Variants in PLA1A observed in about 807,000 individuals in gnomAD.
PLA1A encodes the protein phospholipase A1 member A, also known as phosphatidylserine-specific phospholipase A1alpha.
In PLA1A, 47 loss-of-function variants were observed where a neutral mutation model predicts 49.4. The ratio of observed to expected loss-of-function variants is 0.95; its 90% CI spans 0.75 to 1.21. The LOEUF (loss-of-function observed/expected upper bound fraction) is 1.21. Among genes scored for constraint, PLA1A ranks in the 50% most tolerant of loss-of-function variants. The pLI, the probability that PLA1A is intolerant of heterozygous loss-of-function variation, is 0.00. For missense variants in PLA1A, 561 were observed against 563.9 expected (o/e 0.99, Z 0.05); for synonymous variants, 224 against 207.9 (o/e 1.08, Z -0.67).
intron 8 of PLA1A, 140 bp from the exon 9 acceptor site, chr3:119,624,984 G>T (rs1303928142): frequency 8.3e-6 from 5 of 600,894 alleles, no homozygotes; most frequent in African/African-American, 3.7e-5. Context: ...GAGGACCTGA[G>T]ATTATAGGTG....
intron 4 of PLA1A, among the ~76,000 whole-genome samples, chr3:119,612,562 T>C (rs986651002): frequency 2.0e-5 from 3 of 152,036 alleles, no homozygotes; most frequent in African/African-American, 7.2e-5. Flanking sequence ...GATCTTGGCT[T>C]ACTGCAACCT....
At chr3:119,603,923 G>A (rs1156972858) in intron 1 of PLA1A, among the ~76,000 whole-genome samples, 1 of 152,206 alleles carries the variant, frequency 6.6e-6, no homozygotes, top group Non-Finnish European at 1.5e-5. Context: ...ACTATGAGTT[G>A]GGGTGTGGTG....
chr3:119,603,917 T>C (rs2107776707), intron 1 of PLA1A, among the ~76,000 whole-genome samples: 1 of 152,362 alleles, frequency 6.6e-6, no homozygotes, highest in South Asian at 2.1e-4. Flanking sequence ...CTCTTCACTA[T>C]GAGTTGGGGT....
At chr3:119,610,381 G>C (rs923575862) in intron 4 of PLA1A, among the ~76,000 whole-genome samples, 11 of 152,118 alleles carry the variant, frequency 7.2e-5, no homozygotes, top group African/African-American at 2.7e-4. Context: ...TTTATTTTTA[G>C]TTCTTTGAGG....
At chr3:119,615,981 A>G in intron 5 of PLA1A, 31 bp from the exon 6 acceptor site, 2 of 1,441,498 alleles carry the variant, frequency 1.4e-6, no homozygotes, top group Non-Finnish European at 2.0e-6. Context: ...CCCTGAAGTA[A>G]GGAAGTTAAT....
At chr3:119,602,368 G>T (rs75620909) in intron 1 of PLA1A, among the ~76,000 whole-genome samples, 58 of 152,188 alleles carry the variant, frequency 3.8e-4, no homozygotes, top group African/African-American at 1.2e-3. Context: ...TCTTGACTAA[G>T]TTTTGGTAAG....
At chr3:119,609,061 C>T (rs2082731510) in intron 3 of PLA1A, 114 bp downstream of exon 3, 7 of 816,412 alleles carry the variant, frequency 8.6e-6, no homozygotes, top group Middle Eastern at 3.3e-4. Context: ...CCAGGTAGCT[C>T]GGTGGTCTTG....
Position 119,597,991 on chromosome 3 carries a change from G to A in PLA1A, c.73+5G>A, listed in dbSNP as rs2082564283. ...GGCTCAGCGTTGGAAGTTCAGGTAAGCCAGGGCTCAGGCCTTGGGAGGAAC... is the reference window on the plus strand; with the variant it reads ...GGCTCAGCGTTGGAAGTTCAGGTAAACCAGGGCTCAGGCCTTGGGAGGAAC... On this transcript the variant is annotated splice_donor_5th_base_variant and intron_variant, in intron 1 of 10. Coordinates refer to ENST00000273371, the MANE Select transcript of PLA1A (RefSeq NM_015900.4). The A allele has an allele frequency of 3.1e-6, 5 of 1,592,020 alleles. No individual in the cohort carries two copies. The African/African-American group carries it at 4.0e-5, about 13-fold the overall frequency.
At chr3:119,600,885 C>T (rs1031413601) in intron 1 of PLA1A, among the ~76,000 whole-genome samples, 1 of 152,232 alleles carries the variant, frequency 6.6e-6, no homozygotes, top group African/African-American at 2.4e-5. Context: ...GCAGAAGCAG[C>T]CTGTGACACC....
Position 119,619,648 on chromosome 3 carries a change from C to T in PLA1A, c.1008C>T (p.Tyr336=). 2.5e-6 allele frequency: 4 copies of T among 1,603,256 alleles called. No homozygotes were observed. The highest frequency in any genetic ancestry group is 3.4e-6 in the Non-Finnish European group (4 of 1,169,998). ...VYLLTTSSAP[Y]CMHHSLVEFH... is the part of the protein sequence containing the mutation. ...TCCTGACTACTTCCAGTGCTCCGTACTGCAGTGAGTAGGGGGAAATGCATG... is the reference window on the plus strand; with the variant it reads ...TCCTGACTACTTCCAGTGCTCCGTATTGCAGTGAGTAGGGGGAAATGCATG... The change falls in exon 8 of 11, where the codon TAC becomes TAT. Residue 336 remains tyrosine, a synonymous_variant. Coordinates refer to ENST00000273371, the MANE Select transcript of PLA1A (RefSeq NM_015900.4).
chr3:119,619,783 G>T, intron 8 of PLA1A, 131 bp downstream of exon 8: 1 of 691,396 alleles, frequency 1.4e-6, no homozygotes, highest in Non-Finnish European at 2.6e-6. Context: ...AACAGCCCCT[G>T]GTCTGAACCA....
At chr3:119,611,523 AT>A (rs879539203) in intron 4 of PLA1A, among the ~76,000 whole-genome samples, 16 of 149,620 alleles carry the variant, frequency 1.1e-4, no homozygotes, top group South Asian at 6.4e-4. Flanking sequence ...GTCACCTATG[AT>A]TTTTTTTTTA....
At chr3:119,625,052 C>T (rs2052497315) in intron 8 of PLA1A, 72 bp from the exon 9 acceptor site, 1 of 880,732 alleles carries the variant, frequency 1.1e-6, no homozygotes, top group African/African-American at 1.6e-5. Flanking sequence ...AACCACACTG[C>T]TGCTCTCTGG....
At chr3:119,618,293 A>G (rs2082880720) in intron 7 of PLA1A, 107 bp downstream of exon 7, 1 of 1,028,312 alleles carries the variant, frequency 9.7e-7, no homozygotes, top group African/African-American at 1.6e-5. Flanking sequence ...ATTCTATCCA[A>G]TTTGGGAAAA....
At chr3:119,601,610 G>A (rs572313565) in intron 1 of PLA1A, among the ~76,000 whole-genome samples, 3 of 152,270 alleles carry the variant, frequency 2.0e-5, no homozygotes, top group Non-Finnish European at 2.9e-5. Context: ...ATCTGAATAT[G>A]CTTCCCTATT....
intron 4 of PLA1A, among the ~76,000 whole-genome samples, chr3:119,611,789 T>C (rs1366508272): frequency 2.0e-5 from 3 of 152,230 alleles, no homozygotes; most frequent in Admixed American, 1.3e-4. Context: ...AATCATATCA[T>C]TGATGAAGAG....
Position 119,628,710 on chromosome 3 carries a change from G to A in PLA1A, c.1131G>A (p.Gln377=). ...TSSSKITIPK[Q]QRYGKGIIAH... is the part of the protein sequence containing the mutation. ...TACCCTTTTCTTGCAGACCTAAGCAGCAACGCTATGGGAAAGGAATCATAG... is the reference window on the plus strand; with the variant it reads ...TACCCTTTTCTTGCAGACCTAAGCAACAACGCTATGGGAAAGGAATCATAG... The change falls in exon 10 of 11, where the codon CAG becomes CAA. Residue 377 remains glutamine, a synonymous_variant. Coordinates refer to ENST00000273371, the MANE Select transcript of PLA1A (RefSeq NM_015900.4). 1 of 1,614,068 alleles carries A rather than the reference G, an allele frequency of 6.2e-7. No individual in the cohort carries two copies. The highest frequency in any genetic ancestry group is 8.5e-7 in the Non-Finnish European group (1 of 1,179,958).
intron 7 of PLA1A, 143 bp downstream of exon 7, chr3:119,618,329 C>A (rs2082881104): frequency 2.7e-6 from 2 of 746,968 alleles, no homozygotes; most frequent in Non-Finnish European, 2.2e-6. Context: ...AGGTGCTCAG[C>A]CTGTTCTTAC....
At chr3:119,617,927 G>A (rs1049270866) in intron 6 of PLA1A, 92 bp from the exon 7 acceptor site, 12 of 975,628 alleles carry the variant, frequency 1.2e-5, no homozygotes, top group African/African-American at 3.3e-5. Flanking sequence ...TTTACAGCTT[G>A]CTGGAATATA....
Sources: gnomAD v4.1 joint callset for allele counts (sites outside exome capture counted in the v4.1 genomes callset) on GRCh38, gnomAD v4.1.1 for gene constraint, MANE v1.5 for transcripts, NCBI Gene and HGNC (gene_info 2026-07-23, HGNC 2026-07-21) for gene names.